HIVEP2: variants seen among roughly 807,000 people sequenced by gnomAD.
HIVEP2 encodes the protein HIVEP zinc finger 2.
In HIVEP2, 14 loss-of-function variants were observed where a neutral mutation model predicts 180.7. That is an observed-to-expected ratio of 0.08 (90% CI 0.05 to 0.12). The LOEUF is 0.12. Among genes scored for constraint, HIVEP2 ranks in the 10% least tolerant of loss-of-function variants. HIVEP2 has a pLI of 1.00. For synonymous variants in HIVEP2, 1,184 were observed against 1,136.4 expected, an observed-to-expected ratio of 1.04 and a Z score of -0.84; for missense variants, 2,579 against 3,008.5, an observed-to-expected ratio of 0.86 and a Z score of 3.34.
chr6:142,862,325 A>G (rs1775999671), intron 1 of HIVEP2, among the ~76,000 whole-genome samples: 1 of 151,344 alleles, frequency 6.6e-6, no homozygotes, highest in Non-Finnish European at 1.5e-5. Context: ...TAGCAAATCT[A>G]TTATATATTA....
At chr6:142,798,990 A>G (rs889733197) in intron 2 of HIVEP2, among the ~76,000 whole-genome samples, 6 of 152,184 alleles carry the variant, frequency 3.9e-5, no homozygotes, top group Non-Finnish European at 7.4e-5. Context: ...TGCATTTACA[A>G]AAGTAGGTAC....
At chr6:142,936,679 T>G (rs1426583354) in intron 1 of HIVEP2, among the ~76,000 whole-genome samples, 2 of 152,196 alleles carry the variant, frequency 1.3e-5, no homozygotes, top group African/African-American at 2.4e-5. Context: ...TTAATAAGTC[T>G]TACGATGTTT....
At chr6:142,901,758 A>G (rs1003202793) in intron 1 of HIVEP2, among the ~76,000 whole-genome samples, 1 of 152,224 alleles carries the variant, frequency 6.6e-6, no homozygotes, top group Non-Finnish European at 1.5e-5. Flanking sequence ...GAAGTTTTGT[A>G]TTATGACTTC....
intron 1 of HIVEP2, among the ~76,000 whole-genome samples, chr6:142,926,534 G>C (rs899017511): frequency 6.6e-6 from 1 of 152,194 alleles, no homozygotes; most frequent in South Asian, 2.1e-4. Context: ...TATTCTATCC[G>C]GGCAATGACA....
chr6:142,839,902 G>C (rs749771359), intron 1 of HIVEP2, among the ~76,000 whole-genome samples: 5 of 152,120 alleles, frequency 3.3e-5, no homozygotes, highest in Non-Finnish European at 5.9e-5. Flanking sequence ...CAGTTTTCCT[G>C]AATACTATTC....
intron 1 of HIVEP2, among the ~76,000 whole-genome samples, chr6:142,865,435 G>GA (rs5880552): frequency 9.6e-5 from 14 of 146,594 alleles, no homozygotes; most frequent in East Asian, 2.0e-4. Context: ...AAACTGAGAA[G>GA]AAAAAAAAAA....
chr6:142,824,372 T>A (rs1259267019), intron 2 of HIVEP2, among the ~76,000 whole-genome samples: 1 of 152,214 alleles, frequency 6.6e-6, no homozygotes, highest in Admixed American at 6.5e-5. Context: ...GCCAGAAAAT[T>A]ATTCTAGTCA....
intron 2 of HIVEP2, among the ~76,000 whole-genome samples, chr6:142,813,495 T>C (rs369737521): frequency 7.2e-5 from 11 of 152,072 alleles, no homozygotes; most frequent in African/African-American, 2.4e-4. Flanking sequence ...TAAGAGATAG[T>C]ATATTATTAA....
intron 2 of HIVEP2, among the ~76,000 whole-genome samples, chr6:142,825,651 A>G (rs564886584): frequency 2.9e-4 from 44 of 152,336 alleles, no homozygotes; most frequent in African/African-American, 1.1e-3. Flanking sequence ...TCTGATTTTA[A>G]TAGACATTAC....
intron 2 of HIVEP2, among the ~76,000 whole-genome samples, chr6:142,804,150 T>A (rs769676408): frequency 8.5e-5 from 13 of 152,240 alleles, no homozygotes; most frequent in Admixed American, 2.6e-4. Context: ...TTGGAAAAAT[T>A]TTCTCACAGC....
At chr6:142,850,693 T>A (rs751803085) in intron 1 of HIVEP2, among the ~76,000 whole-genome samples, 9 of 152,218 alleles carry the variant, frequency 5.9e-5, no homozygotes, top group Non-Finnish European at 1.2e-4. Context: ...TATTCAGACA[T>A]CTAGATGGGA....
At chr6:142,916,550 C>G (rs1354007458) in intron 1 of HIVEP2, among the ~76,000 whole-genome samples, 1 of 152,148 alleles carries the variant, frequency 6.6e-6, no homozygotes, top group Non-Finnish European at 1.5e-5. Flanking sequence ...ATTTAATGCT[C>G]CCCATTAGTC....
Position 142,753,822 on chromosome 6 carries a change from T to C in HIVEP2, c.6626A>G (p.Tyr2209Cys). The C allele has an allele frequency of 1.9e-6, 3 of 1,613,208 alleles. No individual in the cohort carries two copies. Among genetic ancestry groups the C allele is most frequent in the Non-Finnish European group, 2.5e-6 (3 of 1,179,172 alleles). ...GTGGAGTGGAAGATGACTGAAGACA[T>C]AGTCATTAGGACCCTCAGGGAAAAG... ...SSLFPEGPND[Y>C]VFSHLPLHSQ... The change falls in exon 10 of 10, where the codon TAT (tyrosine) becomes TGT (cysteine). Residue 2209 changes from tyrosine (Y) to cysteine (C), a missense_variant. Physicochemically the swap from Tyr to Cys is radical, Grantham distance 194. This residue lies in a region of HIVEP2 where 660 missense variants were observed against 731.7 expected (regional missense o/e 0.90). Coordinates refer to ENST00000367603, the MANE Select transcript of HIVEP2 (RefSeq NM_006734.4).
intron 1 of HIVEP2, among the ~76,000 whole-genome samples, chr6:142,908,854 CAA>C (rs11443809): frequency 0.084 from 7,383 of 87,500 alleles, 182 homozygotes; most frequent in Middle Eastern, 0.12. Flanking sequence ...TACCACCTCT[CAA>C]AAAAAAAAAA....
intron 8 of HIVEP2, among the ~76,000 whole-genome samples, 196 bp downstream of exon 8, chr6:142,761,268 A>C (rs758176547): frequency 1.3e-5 from 2 of 152,156 alleles, no homozygotes; most frequent in African/African-American, 2.4e-5. Context: ...TTGCCCTCGG[A>C]GTCAAAACTG....
Position 142,773,005 on chromosome 6 carries a change from A to G in HIVEP2, c.1734T>C (p.Tyr578=), listed in dbSNP as rs771727150. 4.3e-6 allele frequency: 7 copies of G among 1,614,042 alleles called. No homozygotes were observed. Among genetic ancestry groups the G allele is most frequent in the African/African-American group, 1.3e-5 (1 of 74,926 alleles). The change falls in exon 5 of 10, where the codon TAT becomes TAC. Residue 578 remains tyrosine (Y), a synonymous_variant. Coordinates refer to ENST00000367603, the MANE Select transcript of HIVEP2 (RefSeq NM_006734.4). ...GAGGGGGTATGCCCACGGTCCCTGG[A>G]TAGAATACATCGTCGGAACCAGTCA... ...ERMTGSDDVF[Y]PGTVGIPPQR...
intron 2 of HIVEP2, among the ~76,000 whole-genome samples, chr6:142,830,831 C>T (rs529994661): frequency 5.6e-4 from 86 of 152,282 alleles, no homozygotes; most frequent in African/African-American, 2.1e-3. Context: ...CCGCTTCCTC[C>T]TGCTACCCAC....
chr6:142,833,413 C>T (rs1251648292), intron 2 of HIVEP2, among the ~76,000 whole-genome samples: 1 of 152,150 alleles, frequency 6.6e-6, no homozygotes, highest in Non-Finnish European at 1.5e-5. Context: ...GGCTCCTTCA[C>T]ACAGCCATCC....
chr6:142,900,662 C>A (rs977355778), intron 1 of HIVEP2, among the ~76,000 whole-genome samples: 5 of 152,132 alleles, frequency 3.3e-5, no homozygotes, highest in African/African-American at 1.2e-4. Context: ...CAGTCTCATT[C>A]TTTAATTGCC....
Sources: gnomAD v4.1 joint callset for allele counts (sites outside exome capture counted in the v4.1 genomes callset) on GRCh38, gnomAD v4.1.1 for gene constraint, gnomAD v4.1.1 regional missense constraint, MANE v1.5 for transcripts, NCBI Gene and HGNC (gene_info 2026-07-23, HGNC 2026-07-21) for gene names.